Variants in CTSE observed in about 807,000 individuals in gnomAD.
CTSE encodes the protein cathepsin E.
CTSE carries 43 observed loss-of-function variants against 42.8 expected under a neutral mutation model. The observed-to-expected ratio is 1.01, with a 90% CI of 0.79 to 1.30. The LOEUF (loss-of-function observed/expected upper bound fraction) is 1.30. CTSE is among the 50% of genes most tolerant of loss of function. CTSE has a pLI of 0.00. For synonymous variants in CTSE, 205 were observed against 191.5 expected (o/e 1.07, Z -0.58); for missense variants, 532 against 493.5 (o/e 1.08, Z -0.74).
intron 3 of CTSE, 181 bp from the exon 4 acceptor site, chr1:206,021,348 G>A: frequency 1.7e-6 from 1 of 599,884 alleles, no homozygotes; most frequent in Non-Finnish European, 3.0e-6. Flanking sequence ...TCTAGCTACA[G>A]ATGTGGCCTA....
At chr1:206,014,814 G>T (rs1661217926) in intron 5 of CTSE, among the ~76,000 whole-genome samples, 1 of 152,024 alleles carries the variant, frequency 6.6e-6, no homozygotes, top group African/African-American at 2.4e-5. Context: ...AAGCAGAGGT[G>T]TCTAGACAAC....
chr1:206,022,829 C>T, intron 2 of CTSE, 72 bp downstream of exon 2: 2 of 1,390,468 alleles, frequency 1.4e-6, no homozygotes, highest in East Asian at 2.4e-5. Context: ...TGATGTGGCA[C>T]TGGCCATGCC....
rs1336521670 is a variant in CTSE at position 206,012,179 on chromosome 1, A to T, written c.1026+129T>A. On this transcript the variant is annotated intron_variant, in intron 8 of 8. Transcript: ENST00000358184. ...CTGTGTCCCTCCCAGAGGGAATGCCACATGAGAGCAGAACAACGTGGGGCG... is the reference window on the plus strand; with the variant it reads ...CTGTGTCCCTCCCAGAGGGAATGCCTCATGAGAGCAGAACAACGTGGGGCG... 106 of 718,706 alleles carry T rather than the reference A, an allele frequency of 1.5e-4. 1 individual carries two copies. In the Admixed American group the frequency reaches 2.7e-3, roughly 18 times the overall value. The allele number at this position is 718,706 out of a possible 1,614,324, so 44.5% of individuals were successfully genotyped here.
In CTSE at chr1:206,012,471, C is replaced by A. The variant is rs782392330; in HGVS notation, c.927+37G>T. ...CCTCCCAAGAGAAGGCCTGGCTCTC[C>A]TGTCCCCACCACTCCCTTGCGCAGG... is the stretch of plus-strand genomic sequence containing the variant. On this transcript the variant is annotated intron_variant, in intron 7 of 8. Transcript: ENST00000358184. 8 of 1,613,780 alleles carry A rather than the reference C, an allele frequency of 5.0e-6. No individual in the cohort carries two copies. In the South Asian group the frequency reaches 7.7e-5, roughly 16 times the overall value.
rs79989197 is a variant in CTSE, at chr1:206,023,707, C to T, written c.68+17G>A. 7.1e-5 allele frequency: 115 copies of T among 1,611,630 alleles called. No homozygotes were observed. The African/African-American group carries it at 9.7e-4, about 14-fold the overall frequency. On this transcript the variant is annotated intron_variant, in intron 1 of 8. Transcript: ENST00000358184. ...TGGGACTACCCAGCTGAACACAGTG[C>T]GGGGACGTCTTCTCACCTGTGAAGG...
chr1:206,012,477 C>T, intron 7 of CTSE, 31 bp downstream of exon 7: 1 of 1,613,934 alleles, frequency 6.2e-7, no homozygotes, highest in African/African-American at 1.3e-5. Context: ...TCTCCTGTCC[C>T]CACCACTCCC....
intron 4 of CTSE, 134 bp downstream of exon 4, chr1:206,020,915 C>T: frequency 6.0e-6 from 4 of 669,744 alleles, no homozygotes; most frequent in South Asian, 1.8e-5. Context: ...GGGAGTGTTG[C>T]TTGCCCTTTC....
intron 1 of CTSE, 137 bp downstream of exon 1, chr1:206,023,587 G>A (rs1215265318): frequency 5.3e-6 from 4 of 751,698 alleles, no homozygotes; most frequent in Non-Finnish European, 9.1e-6. Flanking sequence ...CACTGGATGA[G>A]TCTCTTCCAT....
intron 5 of CTSE, chr1:206,014,222 G>T: frequency 4.7e-6 from 1 of 213,448 alleles, no homozygotes; most frequent in Non-Finnish European, 9.3e-6. Context: ...TACACTGTGT[G>T]GCTTGAAGCA....
rs782013744 is a variant in CTSE at position 206,012,370 on chromosome 1, C to T, written c.964G>A (p.Asp322Asn). ...ACTCCGTTAATGGTGAAGGTGACATCCGGCATGACGTTAAGGTTGGCACAC... is the reference window on the plus strand; with the variant it reads ...ACTCCGTTAATGGTGAAGGTGACATTCGGCATGACGTTAAGGTTGGCACAC... The part of the protein sequence containing the change: ...VECANLNVMP[D>N]VTFTINGVPY... The change falls in exon 8 of 9, where the codon GAT becomes AAT. Residue 322 changes from aspartate (D) to asparagine (N), a missense_variant. Physicochemically the swap from Asp to Asn is conservative, Grantham distance 23 (BLOSUM62 1). Coordinates refer to ENST00000358184, the MANE Select transcript of CTSE (RefSeq NM_001910.4). The T allele has an allele frequency of 1.4e-5, 23 of 1,613,928 alleles. No homozygotes were observed. The highest frequency in any genetic ancestry group is 1.9e-5 in the Non-Finnish European group (22 of 1,179,914).
Position 206,010,071 on chromosome 1 carries a change from C to G in CTSE, c.*112G>C. The G allele has an allele frequency of 7.3e-7, 1 of 1,363,664 alleles. No individual in the cohort carries two copies. The highest frequency in any genetic ancestry group is 2.3e-5 in the East Asian group (1 of 43,316). The allele number at this position is 1,363,664 out of a possible 1,614,324, so 84.5% of individuals were successfully genotyped here. A position where few individuals can be genotyped will look rare whatever the true frequency, so the allele number is the denominator to read the frequency against. ...GTTTGGTCTTAATTCAAGTTGCAACCCTGGAAACAGCTACATTCTCTGGAA... is the reference window on the plus strand; with the variant it reads ...GTTTGGTCTTAATTCAAGTTGCAACGCTGGAAACAGCTACATTCTCTGGAA... On this transcript the variant is annotated 3_prime_UTR_variant, in exon 9 of 9. Transcript: ENST00000358184.
At chr1:206,016,240 A>G (rs1661261513) in intron 4 of CTSE, 110 bp from the exon 5 acceptor site, 2 of 994,792 alleles carry the variant, frequency 2.0e-6, no homozygotes, top group Non-Finnish European at 3.1e-6. Flanking sequence ...TCTCCTTCCC[A>G]ACTTTCCTTG....
Position 206,022,133 on chromosome 1 carries a change from C to A in CTSE, c.343+17G>T. The A allele has an allele frequency of 6.6e-7, 1 of 1,526,056 alleles. No individual in the cohort carries two copies. The highest frequency in any genetic ancestry group is 9.0e-7 in the Non-Finnish European group (1 of 1,110,210). The allele number at this position is 1,526,056 out of a possible 1,614,324, so 94.5% of individuals were successfully genotyped here. ...AGCCCCCAGACATTCTCTGCTGGTG[C>A]TCCTGGCCCCACTTACTGCAGGCTG... is the stretch of plus-strand genomic sequence containing the variant. On this transcript the variant is annotated intron_variant, in intron 3 of 8. Transcript: ENST00000358184.
At position 206,022,156 on chromosome 1, in the gene CTSE, C is replaced by T. The variant is rs782104566; in HGVS notation, c.337G>A (p.Ala113Thr). The T allele has an allele frequency of 1.0e-5, 16 of 1,592,928 alleles. No individual in the cohort carries two copies. In the South Asian group the frequency reaches 1.2e-4, roughly 12 times the overall value. ...WVPSVYCTSP[A>T]CKTHSRFQPS... is the part of the protein sequence containing the mutation. ...TGCTCCTGGCCCCACTTACTGCAGG[C>T]TGGGCTAGTGCAGTACACAGAGGGG... The change falls in exon 3 of 9, where the codon GCC (alanine) becomes ACC (threonine). Residue 113 changes from alanine to threonine, a missense_variant. By Grantham distance (58) the Ala-to-Thr change is moderately conservative. Coordinates refer to ENST00000358184, the MANE Select transcript of CTSE (RefSeq NM_001910.4).
Position 206,023,800 on chromosome 1 carries a change from C to T in CTSE, c.-9G>A, listed in dbSNP as rs73074812. ...AGAAGGAGCGTTTTCATTGTGAGTC[C>T]GACCAGCAGCTTCTCCCTTGCCCCC... On this transcript the variant is annotated 5_prime_UTR_variant, in exon 1 of 9. Coordinates refer to ENST00000358184, the MANE Select transcript of CTSE (RefSeq NM_001910.4). 0.03 allele frequency: 47,744 copies of T among 1,612,878 alleles called. 4,566 individuals carry two copies. The African/African-American group carries it at 0.33, about 11-fold the overall frequency.
At chr1:206,011,932 A>G (rs1354410373) in intron 8 of CTSE, among the ~76,000 whole-genome samples, 1 of 152,118 alleles carries the variant, frequency 6.6e-6, no homozygotes, top group Non-Finnish European at 1.5e-5. Flanking sequence ...CATATCTTGA[A>G]CCATTTATTT....
chr1:206,014,879 G>A (rs1218651620), intron 5 of CTSE, among the ~76,000 whole-genome samples: 4 of 152,132 alleles, frequency 2.6e-5, no homozygotes, highest in East Asian at 3.9e-4. Context: ...CTGTCATGCT[G>A]GAGAGGAAAC....
At chr1:206,010,846 G>A (rs138840915) in intron 8 of CTSE, among the ~76,000 whole-genome samples, 6 of 152,202 alleles carry the variant, frequency 3.9e-5, no homozygotes, top group African/African-American at 1.4e-4. Context: ...CCCTTTAGAT[G>A]AGGCAAGTAG....
At chr1:206,010,924 C>G (rs1661077203) in intron 8 of CTSE, among the ~76,000 whole-genome samples, 1 of 152,072 alleles carries the variant, frequency 6.6e-6, no homozygotes, top group Admixed American at 6.5e-5. Context: ...AAGACGTGCT[C>G]TACCAGGCAA....
Sources: gnomAD v4.1 joint callset for allele counts (sites outside exome capture counted in the v4.1 genomes callset) on GRCh38, gnomAD v4.1.1 for gene constraint, MANE v1.5 for transcripts, NCBI Gene and HGNC (gene_info 2026-07-23, HGNC 2026-07-21) for gene names.